The following LDLRAP1 variants were observed in gnomAD, a reference collection of about 807,000 sequenced individuals.
The protein encoded by LDLRAP1 is low density lipoprotein receptor adapter protein 1.
Under a neutral mutation model 37.8 loss-of-function variants are expected in LDLRAP1, and 30 were observed. The ratio of observed to expected loss-of-function variants is 0.79; its 90% CI spans 0.59 to 1.08. LDLRAP1 has a LOEUF of 1.08. Among genes scored for constraint, LDLRAP1 ranks in the 50% least tolerant of loss-of-function variants. LDLRAP1 has a pLI of 0.00. For missense variants in LDLRAP1, 375 were observed against 401.6 expected, an observed-to-expected ratio of 0.93 and a Z score of 0.57; for synonymous variants, 156 against 169.8, an observed-to-expected ratio of 0.92 and a Z score of 0.63.
At chr1:25,557,417 G>T (rs139054285) in intron 4 of LDLRAP1, 150 bp downstream of exon 4, 2 of 661,060 alleles carry the variant, frequency 3.0e-6, no homozygotes, top group African/African-American at 1.8e-5. Context: ...AGTGGGTGCC[G>T]AGAGCTAAGG....
At chr1:25,559,678 A>G (rs1474558670) in intron 4 of LDLRAP1, among the ~76,000 whole-genome samples, 2 of 152,198 alleles carry the variant, frequency 1.3e-5, no homozygotes, top group African/African-American at 2.4e-5. Flanking sequence ...GTGTAAATAC[A>G]TCACCTGCTA....
At chr1:25,546,585 A>T in intron 1 of LDLRAP1, among the ~76,000 whole-genome samples, 1 of 151,988 alleles carries the variant, frequency 6.6e-6, no homozygotes, top group Non-Finnish European at 1.5e-5. Flanking sequence ...AGAGGGGCTC[A>T]CCTTGGCCCC....
chr1:25,572,692 T>C (rs199814363), downstream of LDLRAP1, among the ~76,000 whole-genome samples: 10 of 152,248 alleles, frequency 6.6e-5, no homozygotes, highest in East Asian at 1.7e-3. Flanking sequence ...CAGTCCTCCA[T>C]CAACCTGGAG....
At chr1:25,553,864 G>A in intron 1 of LDLRAP1, 58 bp from the exon 2 acceptor site, 1 of 1,601,572 alleles carries the variant, frequency 6.2e-7, no homozygotes, top group Non-Finnish European at 8.5e-7. Context: ...GGTGAGAGCT[G>A]TTGCTGGTGG....
intron 1 of LDLRAP1, chr1:25,553,687 C>T: frequency 1.9e-6 from 1 of 526,472 alleles, no homozygotes; most frequent in East Asian, 3.4e-5. Flanking sequence ...AGGAGAATCG[C>T]TTGAACCTGG....
At chr1:25,578,334 C>T in the LDLRAP1 span, among the ~76,000 whole-genome samples, 4 of 152,174 alleles carry the variant, frequency 2.6e-5, no homozygotes, top group Non-Finnish European at 4.4e-5. Flanking sequence ...CAGACAACTC[C>T]GGCACGGCAT....
rs2044537154 is a variant in LDLRAP1, at chr1:25,568,296, CT to C, written c.*1305del. 6.6e-6 allele frequency: 1 copy of C among 152,548 alleles called. No homozygotes were observed. Among genetic ancestry groups the C allele is most frequent in the Non-Finnish European group, 1.5e-5 (1 of 68,060 alleles). The allele number at this position is 152,548 out of a possible 1,614,324, so 9.4% of individuals were successfully genotyped here. A position where few individuals can be genotyped will look rare whatever the true frequency, so the allele number is the denominator to read the frequency against. ...AAAATCCAACCCTGTCAGAATCATG[CT>C]GTTCTCTTTGCTGACACTGTGACCC... is the stretch of plus-strand genomic sequence containing the variant. On this transcript the variant is annotated 3_prime_UTR_variant, in exon 9 of 9. Transcript: ENST00000374338.
chr1:25,545,258 G>GT (rs2043906079), intron 1 of LDLRAP1, among the ~76,000 whole-genome samples: 1 of 152,194 alleles, frequency 6.6e-6, no homozygotes, highest in South Asian at 2.1e-4. Flanking sequence ...CAGGGAAGTG[G>GT]TTTTGAAGGA....
At chr1:25,582,410 C>T in the LDLRAP1 span, among the ~76,000 whole-genome samples, 1 of 151,950 alleles carries the variant, frequency 6.6e-6, no homozygotes, top group Non-Finnish European at 1.5e-5. Context: ...CACGGTGAAA[C>T]CCCGTCTCTA....
At position 25,554,734 on chromosome 1, in the gene LDLRAP1, A is replaced by T. The variant is rs1206161397; in HGVS notation, c.232-126A>T. The T allele has an allele frequency of 1.2e-5, 9 of 745,016 alleles. No individual in the cohort carries two copies. The highest frequency in any genetic ancestry group is 2.1e-5 in the Non-Finnish European group (9 of 422,582). 46.2% of individuals were successfully genotyped at this position (745,016 alleles called of 1,614,324 possible). A position where few individuals can be genotyped will look rare whatever the true frequency, so the allele number is the denominator to read the frequency against. On this transcript the variant is annotated intron_variant, in intron 2 of 8. Coordinates refer to ENST00000374338, the MANE Select transcript of LDLRAP1 (RefSeq NM_015627.3). This position sits in a 1 kb window ranked among gnomAD's most constrained non-coding sequence, Gnocchi z 5.4. ...GTGCTGGCTGAGTGGTCTTGCCCAC[A>T]CTGCTGCCAGTCACCTGAGCTGAGA... is the stretch of plus-strand genomic sequence containing the variant.
chr1:25,567,113 TGAAGA>T lies in LDLRAP1; in HGVS notation c.*122_*126del. 7.9e-7 allele frequency: 1 copy of T among 1,265,606 alleles called. No homozygotes were observed. The highest frequency in any genetic ancestry group is 1.3e-5 in the South Asian group (1 of 79,114). The allele number at this position is 1,265,606 out of a possible 1,614,324, so 78.4% of individuals were successfully genotyped here. A position where few individuals can be genotyped will look rare whatever the true frequency, so the allele number is the denominator to read the frequency against. On this transcript the variant is annotated 3_prime_UTR_variant, in exon 9 of 9. Transcript: ENST00000374338. ...CTCCCAGCCCTCAGCATTGTCAGCCTGAAGATCAGAGCTGCAGCCAGTCAGGCAGG... is the reference window on the plus strand; with the variant it reads ...CTCCCAGCCCTCAGCATTGTCAGCCTTCAGAGCTGCAGCCAGTCAGGCAGG...
At chr1:25,552,914 A>C (rs960052926) in intron 1 of LDLRAP1, among the ~76,000 whole-genome samples, 1 of 152,198 alleles carries the variant, frequency 6.6e-6, no homozygotes, top group Non-Finnish European at 1.5e-5. Context: ...CCATTGTCAC[A>C]GCCCAGAGAG....
At chr1:25,583,367 T>C in the LDLRAP1 span, among the ~76,000 whole-genome samples, 1 of 151,846 alleles carries the variant, frequency 6.6e-6, no homozygotes, top group South Asian at 2.1e-4. Flanking sequence ...TTTTTTATAC[T>C]TTTTTAGTAG....
chr1:25,569,347 C>T (rs1557716353), downstream of LDLRAP1, among the ~76,000 whole-genome samples: 2 of 152,166 alleles, frequency 1.3e-5, no homozygotes, highest in African/African-American at 4.8e-5. Flanking sequence ...GTACTGGGGA[C>T]AGGGGTCCAG....
In LDLRAP1 at chr1:25,566,886, C is replaced by T; in HGVS notation, c.821C>T (p.Thr274Ile). ...QSRTNPQVLDTGLTAQDMHYA... is the reference protein window; with the variant it reads ...QSRTNPQVLDIGLTAQDMHYA... ...CGGACAAACCCTCAGGTCCTGGACA[C>T]TGGCCTGACAGCCCAGGACATGCAT... The change falls in exon 9 of 9, where the codon ACT (threonine) becomes ATT (isoleucine). Residue 274 changes from threonine (T) to isoleucine (I), a missense_variant. Transcript: ENST00000374338. 1 of 1,612,870 alleles carries T rather than the reference C, an allele frequency of 6.2e-7. No homozygotes were observed. Among genetic ancestry groups the T allele is most frequent in the Non-Finnish European group, 8.5e-7 (1 of 1,179,662 alleles).
chr1:25,569,178 G>T (rs1169571892), downstream of LDLRAP1, among the ~76,000 whole-genome samples: 1 of 152,258 alleles, frequency 6.6e-6, no homozygotes, highest in African/African-American at 2.4e-5. Context: ...CTGTGGCCAG[G>T]CTGTGAGTCC....
At chr1:25,582,610 G>A in the LDLRAP1 span, among the ~76,000 whole-genome samples, 1 of 150,972 alleles carries the variant, frequency 6.6e-6, no homozygotes. Flanking sequence ...TTACCATTTT[G>A]ACTTTTTAAA....
the LDLRAP1 span, among the ~76,000 whole-genome samples, chr1:25,575,440 A>AC: frequency 2.1e-4 from 31 of 151,068 alleles, no homozygotes; most frequent in Admixed American, 1.3e-4. Context: ...AAAAAAAAAA[A>AC]AAAAACCAGC....
Position 25,555,037 on chromosome 1 carries a change from C to A in LDLRAP1, c.344+65C>A. The A allele has an allele frequency of 8.5e-7, 1 of 1,180,828 alleles. No individual in the cohort carries two copies. Among genetic ancestry groups the A allele is most frequent in the Non-Finnish European group, 1.3e-6 (1 of 791,252 alleles). The allele number at this position is 1,180,828 out of a possible 1,614,324, so 73.1% of individuals were successfully genotyped here. ...TGGGGCAGTGGGTGGAGTATCCCAT[C>A]TGAATCCAGGCTCTACCACTTCCTA... is the stretch of plus-strand genomic sequence containing the variant. On this transcript the variant is annotated intron_variant, in intron 3 of 8. Coordinates refer to ENST00000374338, the MANE Select transcript of LDLRAP1 (RefSeq NM_015627.3). The surrounding 1 kb of genome is among the most constrained non-coding windows in gnomAD (Gnocchi z 4.7).
Sources: gnomAD v4.1 joint callset for allele counts (sites outside exome capture counted in the v4.1 genomes callset) on GRCh38, gnomAD v4.1.1 for gene constraint, Gnocchi (gnomAD v3.1) non-coding constraint, MANE v1.5 for transcripts, NCBI Gene and HGNC (gene_info 2026-07-23, HGNC 2026-07-21) for gene names.